Variants in DTNA observed in about 807,000 individuals in gnomAD.
DTNA encodes dystrobrevin alpha.
DTNA carries 43 observed loss-of-function variants against 100.7 expected under a neutral mutation model. The observed-to-expected ratio is 0.43, with a 90% confidence interval of 0.33 to 0.55. The LOEUF (loss-of-function observed/expected upper bound fraction) is 0.55, where lower values mean the gene tolerates loss of function less well. DTNA is among the 20% of genes least tolerant of loss of function. The probability of loss-of-function intolerance (pLI) is 0.04; values close to 1 mark genes in which losing one functional copy is unlikely to be tolerated. For synonymous variants in DTNA, 349 were observed against 347.9 expected, an observed-to-expected ratio of 1.00 and a Z score of -0.04; for missense variants, 798 against 953.9, an observed-to-expected ratio of 0.84 and a Z score of 2.15.
At position 34,882,474 on chromosome 18, in the gene DTNA, T is replaced by A. The variant is rs376505236; in HGVS notation, c.2295+273T>A. 8.5e-5 allele frequency among the ~76,000 whole-genome samples: 13 copies of A among 152,274 alleles called. No homozygotes were observed. The East Asian group carries it at 1.7e-3, about 20-fold the overall frequency. The stretch of plus-strand genomic sequence containing the variant: ...ACCTCCGTCTCCCTGATTTAAGTGA[T>A]TCTCCTGCCTCAGCCTCCCGAGTAG... On this transcript the variant is annotated intron_variant, in intron 21 of 22. Coordinates refer to ENST00000444659, the MANE Select transcript of DTNA (RefSeq NM_001386795.1).
intron 1 of DTNA, among the ~76,000 whole-genome samples, chr18:34,735,043 C>T (rs1251171976): frequency 1.3e-5 from 2 of 152,046 alleles, no homozygotes; most frequent in Non-Finnish European, 2.9e-5. Flanking sequence ...ACTAATAGAA[C>T]ATATATATAC....
At chr18:34,866,388 A>T (rs531736963) in intron 17 of DTNA, 1 of 1,366,910 alleles carries the variant, frequency 7.3e-7, no homozygotes, top group African/African-American at 1.5e-5. Context: ...ATTGTCATTT[A>T]TTGGAAACAT....
chr18:34,497,605 G>T (rs2039393460), intron 1 of DTNA, among the ~76,000 whole-genome samples: 1 of 151,806 alleles, frequency 6.6e-6, no homozygotes, highest in African/African-American at 2.4e-5. Context: ...ATAATACCTG[G>T]CTCAGAATCT....
intron 3 of DTNA, among the ~76,000 whole-genome samples, chr18:34,789,575 A>G (rs1414781053): frequency 6.6e-6 from 1 of 152,198 alleles, no homozygotes; most frequent in Admixed American, 6.5e-5. Context: ...TATTCCCACC[A>G]GACTGTTAGC....
At chr18:34,635,830 G>C (rs549033461) in intron 1 of DTNA, among the ~76,000 whole-genome samples, 53 of 152,016 alleles carry the variant, frequency 3.5e-4, no homozygotes, top group Non-Finnish European at 6.5e-4. Flanking sequence ...ATTTTTGCTA[G>C]AAAGCTCCAA....
chr18:34,685,124 A>G (rs939970970), intron 1 of DTNA, among the ~76,000 whole-genome samples: 3 of 151,918 alleles, frequency 2.0e-5, no homozygotes, highest in Non-Finnish European at 4.4e-5. Context: ...AGTTTCTTTT[A>G]CTGTGCAGAA....
Position 34,829,361 on chromosome 18 carries a change from G to C in DTNA, c.1086-39G>C, listed in dbSNP as rs746892067. 3 of 1,534,580 alleles carry C rather than the reference G, an allele frequency of 2.0e-6. No individual in the cohort carries two copies. In the South Asian group the frequency reaches 3.6e-5, roughly 18 times the overall value. ...TCTGAGTGGGCCTTGCTCTGTCCAT[G>C]GGAAGTTTTAATGAGGTCTCATTGT... On this transcript the variant is annotated intron_variant, in intron 10 of 22. Coordinates refer to ENST00000444659, the MANE Select transcript of DTNA (RefSeq NM_001386795.1).
intron 1 of DTNA, among the ~76,000 whole-genome samples, chr18:34,689,099 A>G (rs553685529): frequency 6.6e-6 from 1 of 152,010 alleles, no homozygotes; most frequent in African/African-American, 2.4e-5. Flanking sequence ...ATGTTCCTTT[A>G]CCTCAGAGGA....
Position 34,889,535 on chromosome 18 carries a change from C to T in DTNA, c.*1801C>T, listed in dbSNP as rs989435966. On this transcript the variant is annotated 3_prime_UTR_variant, in exon 23 of 23. Coordinates refer to ENST00000444659, the MANE Select transcript of DTNA (RefSeq NM_001386795.1). ...GGCTGGCAAAAACCTTCTCTGAACC[C>T]ACACACCAAGTTCGTAGTTGGTAGG... The T allele has an allele frequency of 1.0e-6, 1 of 985,434 alleles. No individual in the cohort carries two copies. Among genetic ancestry groups the T allele is most frequent in the Non-Finnish European group, 1.2e-6 (1 of 829,944 alleles). The allele number at this position is 985,434 out of a possible 1,614,324, so 61.0% of individuals were successfully genotyped here. A position where few individuals can be genotyped will look rare whatever the true frequency, so the allele number is the denominator to read the frequency against.
intron 1 of DTNA, among the ~76,000 whole-genome samples, chr18:34,692,080 G>C (rs1477497084): frequency 6.6e-6 from 1 of 152,200 alleles, no homozygotes; most frequent in Non-Finnish European, 1.5e-5. Context: ...TTTCATCAGA[G>C]ACAAATGCCA....
At chr18:34,583,406 A>G (rs182426489) in intron 1 of DTNA, among the ~76,000 whole-genome samples, 2 of 152,232 alleles carry the variant, frequency 1.3e-5, no homozygotes, top group African/African-American at 4.8e-5. Context: ...TGTTCCCTTT[A>G]TAAGGCAGTG....
At chr18:34,705,094 A>G (rs911450376) in intron 1 of DTNA, among the ~76,000 whole-genome samples, 9 of 152,312 alleles carry the variant, frequency 5.9e-5, no homozygotes, top group African/African-American at 2.2e-4. Context: ...CAGAGGCCAT[A>G]AAAGAGCCAT....
At chr18:34,527,154 G>T (rs1048392749) in intron 1 of DTNA, among the ~76,000 whole-genome samples, 1 of 151,846 alleles carries the variant, frequency 6.6e-6, no homozygotes, top group Admixed American at 6.6e-5. Flanking sequence ...ACAGGTATAT[G>T]TGTGTATGGA....
chr18:34,725,256 TA>T (rs1468197288), intron 1 of DTNA, among the ~76,000 whole-genome samples: 38 of 152,222 alleles, frequency 2.5e-4, no homozygotes, highest in African/African-American at 8.7e-4. Flanking sequence ...GGGATCTAAT[TA>T]AACTAAAGTG....
At chr18:34,582,346 G>T (rs1196946251) in intron 1 of DTNA, among the ~76,000 whole-genome samples, 1 of 152,194 alleles carries the variant, frequency 6.6e-6, no homozygotes, top group Admixed American at 6.5e-5. Flanking sequence ...AGACCTGGAT[G>T]CAGTCTCAAC....
At chr18:34,869,986 A>G (rs974515963) in intron 17 of DTNA, among the ~76,000 whole-genome samples, 1 of 152,156 alleles carries the variant, frequency 6.6e-6, no homozygotes, top group African/African-American at 2.4e-5. Flanking sequence ...GTGCCACTGC[A>G]CTCCAGCCTG....
intron 8 of DTNA, 87 bp downstream of exon 8, chr18:34,818,417 A>G: frequency 1.3e-6 from 2 of 1,559,178 alleles, no homozygotes; most frequent in Middle Eastern, 2.0e-4. Context: ...TGGCAGAATT[A>G]AAGGGCAAAC....
At chr18:34,539,796 G>C (rs1367946116) in intron 1 of DTNA, among the ~76,000 whole-genome samples, 2 of 151,798 alleles carry the variant, frequency 1.3e-5, no homozygotes, top group Admixed American at 1.3e-4. Flanking sequence ...ATTGGAATCT[G>C]TTGTCTTTAT....
rs748161827 is a variant in DTNA at position 34,829,034 on chromosome 18, A to G, written c.1086-366A>G. The G allele has an allele frequency of 3.1e-6, 5 of 1,613,992 alleles. No homozygotes were observed. In the African/African-American group the frequency reaches 5.3e-5, roughly 17 times the overall value. On this transcript the variant is annotated intron_variant, in intron 10 of 22. Coordinates refer to ENST00000444659, the MANE Select transcript of DTNA (RefSeq NM_001386795.1). ...TCCTTACTGAAGGTCATTTTATATC[A>G]TTTCAGCTCGGACGGTGCTTTTGGT...
Sources: allele counts gnomAD v4.1 joint callset (sites outside exome capture counted in the v4.1 genomes callset), GRCh38; gene constraint gnomAD v4.1.1; transcripts MANE v1.5; gene names NCBI Gene and HGNC (gene_info 2026-07-23, HGNC 2026-07-21).